ARHGAP31: variants seen among roughly 807,000 people sequenced by gnomAD.
The protein encoded by ARHGAP31 is rho GTPase-activating protein 31.
In ARHGAP31, 34 loss-of-function variants were observed where a neutral mutation model predicts 113.9. The observed-to-expected ratio is 0.30, with a 90% CI of 0.23 to 0.40. The LOEUF is 0.40. Ranked by LOEUF, ARHGAP31 falls within the 10% of genes least tolerant of loss-of-function variation. The pLI, the probability that ARHGAP31 is intolerant of heterozygous loss-of-function variation, is 1.00. For missense variants in ARHGAP31, 1,548 were observed against 1,767.1 expected (o/e 0.88, Z 2.22); for synonymous variants, 650 against 684.8 (o/e 0.95, Z 0.79).
rs116372650 is a variant in ARHGAP31, at chr3:119,336,211, G to T, written c.101-29105G>T. Among the ~76,000 whole-genome samples, 647 of 152,276 alleles carry T rather than the reference G, an allele frequency of 4.2e-3. 2 individuals are homozygous for T. Among genetic ancestry groups the T allele is most frequent in the African/African-American group, 0.014 (580 of 41,554 alleles). On this transcript the variant is annotated intron_variant, in intron 1 of 11. Coordinates refer to ENST00000264245, the MANE Select transcript of ARHGAP31 (RefSeq NM_020754.4). ...AACAGAAATACTGGTTCTGAGTTAA[G>T]AAGTCTACAGAAGATTCATTTAACT...
intron 1 of ARHGAP31, among the ~76,000 whole-genome samples, chr3:119,364,405 T>C (rs975821170): frequency 2.6e-5 from 4 of 152,228 alleles, no homozygotes; most frequent in Non-Finnish European, 5.9e-5. Flanking sequence ...GATTTTTTCT[T>C]CTAAAAAAAT....
chr3:119,346,127 C>T (rs1015868870), intron 1 of ARHGAP31, among the ~76,000 whole-genome samples: 6 of 152,194 alleles, frequency 3.9e-5, no homozygotes, highest in Admixed American at 3.3e-4. Context: ...GACTGCTTTC[C>T]TCTGTGTTCC....
At chr3:119,395,865 C>T (rs572121101) in intron 8 of ARHGAP31, among the ~76,000 whole-genome samples, 3 of 152,182 alleles carry the variant, frequency 2.0e-5, no homozygotes, top group African/African-American at 7.2e-5. Flanking sequence ...GGAAAGATAG[C>T]CTGAATGAAG....
chr3:119,389,286 T>G (rs2080482974), intron 6 of ARHGAP31, among the ~76,000 whole-genome samples: 1 of 152,230 alleles, frequency 6.6e-6, no homozygotes. Flanking sequence ...GCACTAAACT[T>G]GGTCTTCTGA....
chr3:119,336,482 G>A lies in ARHGAP31; in HGVS notation c.101-28834G>A, dbSNP rs186706001. 2.4e-3 allele frequency among the ~76,000 whole-genome samples: 365 copies of A among 152,178 alleles called. 1 individual carries two copies. The highest frequency in any genetic ancestry group is 6.6e-3 in the African/African-American group (272 of 41,498). On this transcript the variant is annotated intron_variant, in intron 1 of 11. Coordinates refer to ENST00000264245, the MANE Select transcript of ARHGAP31 (RefSeq NM_020754.4). ...CATACCCAAAATAAGGGGATGTGTC[G>A]TCAGCAGAAAAGTTAAAAATGACAA... is the stretch of plus-strand genomic sequence containing the variant.
intron 2 of ARHGAP31, among the ~76,000 whole-genome samples, chr3:119,366,464 A>G (rs528268818): frequency 2.2e-4 from 34 of 152,268 alleles, no homozygotes; most frequent in Non-Finnish European, 3.8e-4. Context: ...TGTTAAAAAA[A>G]ATAATTGGTT....
rs886057797 is a variant in ARHGAP31, at chr3:119,294,800, C to T, written c.-105C>T. The T allele has an allele frequency of 1.6e-5, 18 of 1,104,122 alleles. No individual in the cohort carries two copies. Among genetic ancestry groups the T allele is most frequent in the Non-Finnish European group, 2.2e-5 (16 of 724,208 alleles). 68.4% of individuals were successfully genotyped at this position (1,104,122 alleles called of 1,614,324 possible). A position where few individuals can be genotyped will look rare whatever the true frequency, so the allele number is the denominator to read the frequency against. ...TTCTTCCATCTTCCGATGCGGCCCC[C>T]CAGAGCCGCGGGGCAGCCGGTGATC... is the stretch of plus-strand genomic sequence containing the variant. On this transcript the variant is annotated 5_prime_UTR_variant, in exon 1 of 12. Coordinates refer to ENST00000264245, the MANE Select transcript of ARHGAP31 (RefSeq NM_020754.4).
intron 1 of ARHGAP31, among the ~76,000 whole-genome samples, chr3:119,349,261 G>A (rs1416670751): frequency 1.3e-5 from 2 of 152,166 alleles, no homozygotes; most frequent in Non-Finnish European, 1.5e-5. Context: ...TATGTTCCCT[G>A]GAGCAAAACA....
At position 119,415,328 on chromosome 3, in the gene ARHGAP31, G is replaced by A; in HGVS notation, c.3399G>A (p.Gln1133=). Residue 1133 remains glutamine (Q), a synonymous_variant, in exon 12 of 12, where the codon CAG becomes CAA. Coordinates refer to ENST00000264245, the MANE Select transcript of ARHGAP31 (RefSeq NM_020754.4). ...CCTCATTTAGTTCACCTGGAATGCA[G>A]GTCTCTGAGCCAGGAGACCCAAAGG... ...NVASFSSPGM[Q]VSEPGDPKVT... 2 of 1,614,146 alleles carry A rather than the reference G, an allele frequency of 1.2e-6. No homozygotes were observed. Among genetic ancestry groups the A allele is most frequent in the South Asian group, 2.2e-5 (2 of 91,076 alleles).
intron 1 of ARHGAP31, among the ~76,000 whole-genome samples, chr3:119,324,406 G>A (rs2079822847): frequency 6.6e-6 from 1 of 152,138 alleles, no homozygotes; most frequent in Non-Finnish European, 1.5e-5. Context: ...CATAGTTTTA[G>A]TTATTTTGAA....
intron 1 of ARHGAP31, among the ~76,000 whole-genome samples, 173 bp from the exon 2 acceptor site, chr3:119,365,143 T>A (rs968462944): frequency 3.3e-5 from 5 of 152,128 alleles, no homozygotes; most frequent in African/African-American, 1.2e-4. Flanking sequence ...GATTTTTTTT[T>A]AATATGAAAG....
intron 6 of ARHGAP31, among the ~76,000 whole-genome samples, chr3:119,388,165 G>A (rs564267951): frequency 2.9e-4 from 44 of 152,208 alleles, no homozygotes; most frequent in African/African-American, 1.0e-3. Flanking sequence ...TGAGTTATGG[G>A]TGTTGGGAGA....
intron 11 of ARHGAP31, 77 bp downstream of exon 11, chr3:119,409,853 A>C: frequency 6.9e-7 from 1 of 1,444,988 alleles, no homozygotes; most frequent in Non-Finnish European, 9.2e-7. Flanking sequence ...TTTAAAGTAA[A>C]TTGAAAAAAA....
chr3:119,294,949 C>T lies in ARHGAP31; in HGVS notation c.45C>T (p.Ala15=). The stretch of plus-strand genomic sequence containing the variant: ...AGCAGAAGCTGAAACGAAAGGGAGC[C>T]GCCAGCGCGTTTGGCTGTGACCTGA... ...GAKQKLKRKG[A]ASAFGCDLTE... is the part of the protein sequence containing the mutation. The change falls in exon 1 of 12, where the codon GCC becomes GCT. Residue 15 remains alanine, a synonymous_variant. Coordinates refer to ENST00000264245, the MANE Select transcript of ARHGAP31 (RefSeq NM_020754.4). 6.2e-7 allele frequency: 1 copy of T among 1,614,100 alleles called. No individual in the cohort carries two copies. Among genetic ancestry groups the T allele is most frequent in the Non-Finnish European group, 8.5e-7 (1 of 1,180,018 alleles).
chr3:119,381,985 C>CAAAAA (rs10719267), intron 4 of ARHGAP31, among the ~76,000 whole-genome samples: 6 of 62,082 alleles, frequency 9.7e-5, no homozygotes, highest in East Asian at 3.7e-4. Flanking sequence ...GACTCCGTCT[C>CAAAAA]AAAAAAAAAA....
intron 1 of ARHGAP31, among the ~76,000 whole-genome samples, chr3:119,330,633 C>A (rs750158159): frequency 1.2e-4 from 19 of 152,204 alleles, no homozygotes; most frequent in Admixed American, 3.3e-4. Context: ...CAAGTCACCT[C>A]CCCTTGGAAT....
At chr3:119,359,036 C>A (rs2080182659) in intron 1 of ARHGAP31, among the ~76,000 whole-genome samples, 1 of 146,938 alleles carries the variant, frequency 6.8e-6, no homozygotes, top group African/African-American at 2.5e-5. Context: ...TTTTTTGAGA[C>A]AGAGTCTCAC....
chr3:119,337,211 T>G (rs1201871933), intron 1 of ARHGAP31, among the ~76,000 whole-genome samples: 1 of 152,166 alleles, frequency 6.6e-6, no homozygotes, highest in Non-Finnish European at 1.5e-5. Context: ...TGGAGTTTGT[T>G]CCTTCTGATG....
intron 1 of ARHGAP31, among the ~76,000 whole-genome samples, chr3:119,347,091 C>T (rs2080066311): frequency 6.6e-6 from 1 of 152,136 alleles, no homozygotes; most frequent in Non-Finnish European, 1.5e-5. Flanking sequence ...CTAGGGTACA[C>T]TTTGTCATCC....
Sources: allele counts gnomAD v4.1 joint callset (sites outside exome capture counted in the v4.1 genomes callset), GRCh38; gene constraint gnomAD v4.1.1; transcripts MANE v1.5; gene names NCBI Gene and HGNC (gene_info 2026-07-23, HGNC 2026-07-21).